The following MPP7 variants were observed in gnomAD, a reference collection of about 807,000 sequenced individuals.
The protein encoded by MPP7 is MAGUK p55 scaffold protein 7.
A neutral mutation model predicts 76.5 loss-of-function variants in MPP7; 60 were observed. The ratio of observed to expected loss-of-function variants is 0.78; its 90% CI spans 0.64 to 0.97. The LOEUF is 0.97. Among genes scored for constraint, MPP7 ranks in the 50% least tolerant of loss-of-function variants. MPP7 has a pLI of 0.00. For synonymous variants in MPP7, 237 were observed against 244.5 expected, an observed-to-expected ratio of 0.97 and a Z score of 0.29; for missense variants, 641 against 694.0, an observed-to-expected ratio of 0.92 and a Z score of 0.86.
intron 1 of MPP7, among the ~76,000 whole-genome samples, chr10:28,270,887 G>A (rs528504303): frequency 6.6e-6 from 1 of 152,210 alleles, no homozygotes; most frequent in South Asian, 2.1e-4. Flanking sequence ...GACATTAAAT[G>A]ATGATGGGAT....
chr10:28,092,820 T>C (rs1170679510), intron 11 of MPP7, among the ~76,000 whole-genome samples: 1 of 140,102 alleles, frequency 7.1e-6, no homozygotes, highest in African/African-American at 2.7e-5. Context: ...GCAAAAATGA[T>C]CCGCCCACCT....
At chr10:28,231,086 C>T (rs1281221515) in intron 2 of MPP7, among the ~76,000 whole-genome samples, 2 of 151,138 alleles carry the variant, frequency 1.3e-5, no homozygotes, top group African/African-American at 4.9e-5. Flanking sequence ...TATGTCTAAG[C>T]CATAAAATAA....
chr10:28,239,153 T>A (rs1037608817), intron 1 of MPP7, among the ~76,000 whole-genome samples: 1 of 149,452 alleles, frequency 6.7e-6, no homozygotes, highest in African/African-American at 2.5e-5. Context: ...TTATTTTTAT[T>A]TTTTTTTTTG....
intron 12 of MPP7, among the ~76,000 whole-genome samples, chr10:28,071,919 G>GAT (rs1852258625): frequency 6.6e-6 from 1 of 152,078 alleles, no homozygotes; most frequent in African/African-American, 2.4e-5. Context: ...AACAACTAAG[G>GAT]ATAGCATGTC....
At chr10:28,092,455 T>A (rs1017584367) in intron 11 of MPP7, among the ~76,000 whole-genome samples, 5 of 152,064 alleles carry the variant, frequency 3.3e-5, no homozygotes, top group Admixed American at 2.0e-4. Flanking sequence ...AATTATAAAA[T>A]CACACATGCA....
chr10:28,123,942 CCTGT>C (rs1341260089), intron 8 of MPP7, 85 bp downstream of exon 8: 4 of 869,670 alleles, frequency 4.6e-6, no homozygotes, highest in Non-Finnish European at 7.7e-6. Context: ...TAATACAAAT[CCTGT>C]CTATGTCAAA....
At chr10:28,101,111 A>T (rs1564630765) in intron 11 of MPP7, among the ~76,000 whole-genome samples, 1 of 152,072 alleles carries the variant, frequency 6.6e-6, no homozygotes, top group Non-Finnish European at 1.5e-5. Context: ...TCCAAACACA[A>T]ATGGTTTCTT....
At position 28,169,326 on chromosome 10, in the gene MPP7, T is replaced by TA. The variant is rs369848117; in HGVS notation, c.157-19268dup. Reference sequence around the variant, plus strand: ...AGCAACACAACAAGACCCTGTCTCTTAAAAAAAAAAATTAATTAGCCAGGA... The same window carrying TA: ...AGCAACACAACAAGACCCTGTCTCTTAAAAAAAAAAAATTAATTAGCCAGGA... On this transcript the variant is annotated intron_variant, in intron 3 of 16. Transcript: ENST00000683449. Among the ~76,000 whole-genome samples, 564 of 148,830 alleles carry TA rather than the reference T, an allele frequency of 3.8e-3. 1 individual carries two copies. The highest frequency in any genetic ancestry group is 0.012 in the African/African-American group (468 of 40,546).
chr10:28,288,068 A>C (rs1840828393), intron 1 of MPP7, among the ~76,000 whole-genome samples: 2 of 152,188 alleles, frequency 1.3e-5, no homozygotes. Context: ...ACAAATCACA[A>C]CAGATTGAAT....
chr10:28,089,203 G>A (rs1272159244), intron 12 of MPP7, among the ~76,000 whole-genome samples: 1 of 152,062 alleles, frequency 6.6e-6, no homozygotes, highest in Non-Finnish European at 1.5e-5. Context: ...GTGAGCCACG[G>A]CACCCAGCCA....
chr10:28,062,066 G>A (rs1332873695), intron 13 of MPP7, among the ~76,000 whole-genome samples: 1 of 152,154 alleles, frequency 6.6e-6, no homozygotes, highest in Non-Finnish European at 1.5e-5. Flanking sequence ...ATTCAGGAAT[G>A]AGGAAAGAAC....
intron 12 of MPP7, among the ~76,000 whole-genome samples, chr10:28,077,307 T>C (rs1588731920): frequency 1.3e-5 from 2 of 152,146 alleles, no homozygotes; most frequent in East Asian, 1.9e-4. Context: ...ATTTGGAAAA[T>C]TTTCCCTAAA....
chr10:28,184,630 C>T (rs1212124629), intron 3 of MPP7, among the ~76,000 whole-genome samples: 4 of 149,378 alleles, frequency 2.7e-5, no homozygotes, highest in Non-Finnish European at 5.9e-5. Flanking sequence ...ATCACTTGAA[C>T]CTGGGAGGCA....
chr10:28,185,002 A>G (rs1564685415), intron 3 of MPP7, among the ~76,000 whole-genome samples: 2 of 147,568 alleles, frequency 1.4e-5, no homozygotes, highest in South Asian at 2.1e-4. Context: ...ATTAATATGT[A>G]ATTATTATAT....
rs114329537 is a variant in MPP7, at chr10:28,073,910, G to A, written c.1124-4058C>T. On this transcript the variant is annotated intron_variant, in intron 12 of 16. Transcript: ENST00000683449. ...TCCTTCAGAGCTTGGCTCAAACAGT[G>A]CTTCCTCCAGAAAGCCACCCCTGAT... is the stretch of plus-strand genomic sequence containing the variant. Among the ~76,000 whole-genome samples the A allele has an allele frequency of 4.3e-3, 656 of 152,100 alleles. 5 individuals are homozygous for A. The highest frequency in any genetic ancestry group is 0.015 in the African/African-American group (606 of 41,488).
intron 2 of MPP7, among the ~76,000 whole-genome samples, chr10:28,207,664 C>G (rs1382569430): frequency 6.6e-6 from 1 of 151,256 alleles, no homozygotes; most frequent in African/African-American, 2.4e-5. Context: ...TTTACTCCAG[C>G]CTGGGCATCA....
intron 2 of MPP7, among the ~76,000 whole-genome samples, chr10:28,207,083 T>G (rs1030573529): frequency 6.6e-6 from 1 of 152,172 alleles, no homozygotes; most frequent in African/African-American, 2.4e-5. Context: ...GAAAGTTACC[T>G]ATAAGAGATT....
chr10:28,215,450 A>T (rs1461206417), intron 2 of MPP7, among the ~76,000 whole-genome samples: 1 of 152,242 alleles, frequency 6.6e-6, no homozygotes. Context: ...GCCCTATACA[A>T]GAGGAGGTTG....
chr10:28,201,471 T>C (rs1244818427), intron 3 of MPP7, among the ~76,000 whole-genome samples: 3 of 152,162 alleles, frequency 2.0e-5, no homozygotes, highest in Non-Finnish European at 2.9e-5. Context: ...ATGCAATTCA[T>C]ATTTCCAGAA....
Sources: allele counts gnomAD v4.1 joint callset (sites outside exome capture counted in the v4.1 genomes callset), GRCh38; gene constraint gnomAD v4.1.1; transcripts MANE v1.5; gene names NCBI Gene and HGNC (gene_info 2026-07-23, HGNC 2026-07-21).